Variants in DTNB observed in about 807,000 individuals in gnomAD.
DTNB encodes the protein DTN-B.
In DTNB, 63 loss-of-function variants were observed where a neutral mutation model predicts 90.7. The observed-to-expected ratio is 0.69, with a 90% CI of 0.57 to 0.86. DTNB has a LOEUF of 0.86. Ranked by LOEUF, DTNB falls within the 40% of genes least tolerant of loss-of-function variation. The pLI, the probability that DTNB is intolerant of heterozygous loss-of-function variation, is 0.00. For synonymous variants in DTNB, 277 were observed against 286.7 expected, an observed-to-expected ratio of 0.97 and a Z score of 0.34; for missense variants, 744 against 807.1, an observed-to-expected ratio of 0.92 and a Z score of 0.95.
chr2:25,542,768 T>C (rs1440726152), intron 8 of DTNB, among the ~76,000 whole-genome samples: 1 of 152,202 alleles, frequency 6.6e-6, no homozygotes, highest in Non-Finnish European at 1.5e-5. Context: ...TTTTAGAAAT[T>C]TGTTAATTTC....
chr2:25,456,549 A>T (rs2060058802), intron 10 of DTNB, among the ~76,000 whole-genome samples: 1 of 152,024 alleles, frequency 6.6e-6, no homozygotes, highest in Non-Finnish European at 1.5e-5. Context: ...TGTGACTGAT[A>T]CATTTCTGGG....
In DTNB at chr2:25,424,297, C is replaced by T. The variant is rs2050774791; in HGVS notation, c.1554+3238G>A. On this transcript the variant is annotated intron_variant, in intron 15 of 20. Coordinates refer to ENST00000406818, the MANE Select transcript of DTNB (RefSeq NM_021907.5). The surrounding 1 kb of genome is among the most constrained non-coding windows in gnomAD (Gnocchi z 4.1). Reference sequence around the variant, plus strand: ...GGGGATCCTACAGGGGCAGCAGTGTCCTGCTTATTTTTCTGAAATTACTGC... The same window carrying T: ...GGGGATCCTACAGGGGCAGCAGTGTTCTGCTTATTTTTCTGAAATTACTGC... 6.6e-6 allele frequency among the ~76,000 whole-genome samples: 1 copy of T among 152,142 alleles called. No individual in the cohort carries two copies. The highest frequency in any genetic ancestry group is 1.5e-5 in the Non-Finnish European group (1 of 68,026).
At chr2:25,503,091 A>G (rs1324399050) in intron 9 of DTNB, among the ~76,000 whole-genome samples, 1 of 126,778 alleles carries the variant, frequency 7.9e-6, no homozygotes, top group East Asian at 2.4e-4. Context: ...AAAAAAAAAA[A>G]GTCCAGACTG....
chr2:25,546,511 T>C (rs2082444428), intron 8 of DTNB, among the ~76,000 whole-genome samples: 1 of 152,222 alleles, frequency 6.6e-6, no homozygotes, highest in Non-Finnish European at 1.5e-5. Flanking sequence ...AGTCCTGGCC[T>C]TTACAGAAAT....
At chr2:25,637,066 C>T (rs1031627217) in intron 3 of DTNB, among the ~76,000 whole-genome samples, 7 of 152,004 alleles carry the variant, frequency 4.6e-5, no homozygotes, top group African/African-American at 1.7e-4. Flanking sequence ...CATCTACAAC[C>T]ATCTGATCTT....
chr2:25,498,449 A>T (rs941746635), intron 9 of DTNB, among the ~76,000 whole-genome samples: 1 of 152,202 alleles, frequency 6.6e-6, no homozygotes, highest in South Asian at 2.1e-4. Context: ...TAAAAACAAA[A>T]TAACAGTGGG....
intron 2 of DTNB, chr2:25,650,265 T>A (rs1232999277): frequency 1.0e-6 from 1 of 983,752 alleles, no homozygotes; most frequent in East Asian, 1.1e-4. Flanking sequence ...TTTACTAACA[T>A]GGAAGTTTCA....
chr2:25,516,426 T>C (rs2075132695), intron 9 of DTNB, among the ~76,000 whole-genome samples: 1 of 152,016 alleles, frequency 6.6e-6, no homozygotes, highest in East Asian at 1.9e-4. Flanking sequence ...TTTTTGTATC[T>C]TTTTTAAGTA....
intron 4 of DTNB, among the ~76,000 whole-genome samples, chr2:25,619,965 G>A (rs531344144): frequency 2.7e-4 from 41 of 152,042 alleles, no homozygotes; most frequent in Non-Finnish European, 5.3e-4. Flanking sequence ...ACTTGAACCC[G>A]GGAGGCGGAG....
chr2:25,547,019 T>C (rs887972606), intron 8 of DTNB, among the ~76,000 whole-genome samples: 16 of 151,582 alleles, frequency 1.1e-4, no homozygotes, highest in African/African-American at 3.9e-4. Context: ...GTTAATTCTT[T>C]TGTTGTTGTT....
intron 7 of DTNB, among the ~76,000 whole-genome samples, chr2:25,578,230 AAAAG>A (rs1451347017): frequency 6.6e-6 from 1 of 152,244 alleles, no homozygotes; most frequent in Non-Finnish European, 1.5e-5. Flanking sequence ...ACTAGGGACT[AAAAG>A]AAAACTAAAC....
Position 25,518,533 on chromosome 2 carries a change from CAT to C in DTNB, c.1001+12938_1001+12939del, listed in dbSNP as rs759788517. Reference sequence around the variant, plus strand: ...CAGAGGTACCACACATATATATGCACATGTGTGAGTTTGTGAGTGCAAGTTCC... The same window carrying C: ...CAGAGGTACCACACATATATATGCACGTGTGAGTTTGTGAGTGCAAGTTCC... On this transcript the variant is annotated intron_variant, in intron 9 of 20. Transcript: ENST00000406818. Among the ~76,000 whole-genome samples the C allele has an allele frequency of 1.3e-3, 191 of 152,164 alleles. 2 individuals are homozygous for C. The highest frequency in any genetic ancestry group is 8.6e-3 in the Admixed American group (131 of 15,274).
intron 2 of DTNB, among the ~76,000 whole-genome samples, chr2:25,647,207 G>C (rs2079673583): frequency 6.6e-6 from 1 of 152,060 alleles, no homozygotes; most frequent in Admixed American, 6.5e-5. Flanking sequence ...CAATGACAAA[G>C]GATTCACTTT....
At position 25,434,016 on chromosome 2, in the gene DTNB, G is replaced by T. The variant is rs375585380; in HGVS notation, c.1258-21C>A. 267 of 1,582,488 alleles carry T rather than the reference G, an allele frequency of 1.7e-4. 1 individual carries two copies. The highest frequency in any genetic ancestry group is 2.1e-4 in the Non-Finnish European group (246 of 1,171,886). The stretch of plus-strand genomic sequence containing the variant: ...CGAGTCTAAAGTGGGGAAGTCGGGA[G>T]AAAGTTTTTTTTTTTCTGATCCAAA... On this transcript the variant is annotated intron_variant, in intron 12 of 20. Coordinates refer to ENST00000406818, the MANE Select transcript of DTNB (RefSeq NM_021907.5).
At chr2:25,578,968 T>A (rs1451744958) in intron 7 of DTNB, among the ~76,000 whole-genome samples, 3 of 152,204 alleles carry the variant, frequency 2.0e-5, no homozygotes, top group Non-Finnish European at 2.9e-5. Flanking sequence ...CATATTTTAT[T>A]TCTAGATATT....
intron 9 of DTNB, among the ~76,000 whole-genome samples, chr2:25,508,814 G>A (rs965908124): frequency 1.3e-5 from 2 of 152,094 alleles, no homozygotes; most frequent in African/African-American, 2.4e-5. Context: ...GATTATAGGC[G>A]TGAGCCACTG....
At chr2:25,454,293 T>C (rs1025590324) in intron 11 of DTNB, among the ~76,000 whole-genome samples, 1 of 152,226 alleles carries the variant, frequency 6.6e-6, no homozygotes, top group Non-Finnish European at 1.5e-5. Context: ...CTTTTTCATA[T>C]GTATATTTCC....
intron 5 of DTNB, 107 bp from the exon 6 acceptor site, chr2:25,596,347 T>A (rs1312777087): frequency 7.1e-6 from 9 of 1,271,364 alleles, no homozygotes; most frequent in African/African-American, 1.5e-5. Context: ...TAAAAAAGTA[T>A]CATAAAATTA....
chr2:25,484,962 T>G (rs527987016), intron 9 of DTNB, among the ~76,000 whole-genome samples: 5 of 152,236 alleles, frequency 3.3e-5, no homozygotes, highest in Non-Finnish European at 4.4e-5. Flanking sequence ...TTTATATTTT[T>G]GCCTCTAGTT....
Sources: allele counts gnomAD v4.1 joint callset (sites outside exome capture counted in the v4.1 genomes callset), GRCh38; gene constraint gnomAD v4.1.1; non-coding constraint Gnocchi (gnomAD v3.1); transcripts MANE v1.5; gene names NCBI Gene and HGNC (gene_info 2026-07-23, HGNC 2026-07-21).